The following CEP83 variants were observed in gnomAD, a reference collection of about 807,000 sequenced individuals.
The protein encoded by CEP83 is centrosomal protein of 83 kDa.
CEP83 carries 70 observed loss-of-function variants against 101.9 expected under a neutral mutation model. The ratio of observed to expected loss-of-function variants is 0.69; its 90% CI spans 0.57 to 0.84. The LOEUF (loss-of-function observed/expected upper bound fraction) is 0.84. CEP83 is among the 40% of genes least tolerant of loss of function. The probability of loss-of-function intolerance (pLI) is 0.00; values close to 1 mark genes in which losing one functional copy is unlikely to be tolerated. For missense variants in CEP83, 715 were observed against 787.2 expected (o/e 0.91, Z 1.10); for synonymous variants, 264 against 267.9 (o/e 0.99, Z 0.14).
At chr12:94,331,530 C>A (rs865821224) in intron 14 of CEP83, among the ~76,000 whole-genome samples, 170 bp downstream of exon 14, 5 of 151,616 alleles carry the variant, frequency 3.3e-5, no homozygotes, top group Non-Finnish European at 7.4e-5. Context: ...CTATGCCTGG[C>A]TAATTTTTTT....
At chr12:94,327,233 T>A (rs1306270622) in intron 14 of CEP83, among the ~76,000 whole-genome samples, 1 of 152,182 alleles carries the variant, frequency 6.6e-6, no homozygotes. Context: ...AATATAGATA[T>A]AAGAATTAAG....
Position 94,395,398 on chromosome 12 carries a change from A to T in CEP83, c.549+5452T>A, listed in dbSNP as rs957016945. Among the ~76,000 whole-genome samples, 13 of 152,150 alleles carry T rather than the reference A, an allele frequency of 8.5e-5. No individual in the cohort carries two copies. The South Asian group carries it at 2.5e-3, about 29-fold the overall frequency. On this transcript the variant is annotated intron_variant, in intron 6 of 16. Transcript: ENST00000397809. ...AAAAAAAATAATCACTATTATGATG[A>T]GTTTCCTCTTTTTCCCTTTTATGTA...
intron 2 of CEP83, among the ~76,000 whole-genome samples, chr12:94,421,674 A>C (rs1269815042): frequency 6.6e-6 from 1 of 152,226 alleles, no homozygotes; most frequent in African/African-American, 2.4e-5. Context: ...TTGTTAAGTA[A>C]TTTCATTGTT....
rs115988985 is a variant in CEP83 at position 94,400,962 on chromosome 12, G to A, written c.437C>T (p.Ala146Val). The change falls in exon 6 of 17, where the codon GCT (alanine) becomes GTT (valine). Residue 146 changes from alanine to valine, a missense_variant. By Grantham distance (64) the Ala-to-Val change is moderately conservative (BLOSUM62 0). Coordinates refer to ENST00000397809, the MANE Select transcript of CEP83 (RefSeq NM_016122.3). ...TTCATAGCGAAGCTTATTATATACAGCTCTATACTTTTCTACCTCCTAAAG... is the reference window on the plus strand; with the variant it reads ...TTCATAGCGAAGCTTATTATATACAACTCTATACTTTTCTACCTCCTAAAG... ...NLDEEVEKYR[A>V]VYNKLRYEHT... The A allele has an allele frequency of 1.8e-3, 2,497 of 1,425,758 alleles. 45 individuals are homozygous for A. In the African/African-American group the frequency reaches 0.034, roughly 19 times the overall value. The allele number at this position is 1,425,758 out of a possible 1,614,324, so 88.3% of individuals were successfully genotyped here.
At chr12:94,352,146 C>T (rs1411371853) in intron 11 of CEP83, among the ~76,000 whole-genome samples, 1 of 152,148 alleles carries the variant, frequency 6.6e-6, no homozygotes, top group Non-Finnish European at 1.5e-5. Flanking sequence ...AAAAGTTGGG[C>T]GTGGTGGTTC....
downstream of CEP83, among the ~76,000 whole-genome samples, chr12:94,302,888 TTGAA>T (rs897220583): frequency 2.0e-5 from 3 of 152,202 alleles, no homozygotes; most frequent in African/African-American, 7.2e-5. Flanking sequence ...ATAATGTTTA[TTGAA>T]TGAATGAATG....
At chr12:94,300,795 A>AGAG in the CEP83 span, 1 of 830,924 alleles carries the variant, frequency 1.2e-6, no homozygotes, top group Non-Finnish European at 1.8e-6. Context: ...TTGGCTAAGC[A>AGAG]GAGTTGTATA....
chr12:94,294,805 A>G, the CEP83 span, among the ~76,000 whole-genome samples: 1 of 152,222 alleles, frequency 6.6e-6, no homozygotes, highest in East Asian at 1.9e-4. Context: ...AACTCAGGGC[A>G]GAATCTCATA....
intron 4 of CEP83, among the ~76,000 whole-genome samples, chr12:94,410,059 A>G (rs2063784186): frequency 6.6e-6 from 1 of 152,056 alleles, no homozygotes; most frequent in Non-Finnish European, 1.5e-5. Flanking sequence ...ATGATTACCA[A>G]CTCTAAGATG....
At chr12:94,281,599 T>A in the CEP83 span, among the ~76,000 whole-genome samples, 4 of 87,190 alleles carry the variant, frequency 4.6e-5, no homozygotes, top group Admixed American at 1.2e-4. Flanking sequence ...TTAAAAAAAA[T>A]TTTATAGAGA....
At chr12:94,391,225 G>C (rs949375223) in intron 6 of CEP83, among the ~76,000 whole-genome samples, 4 of 152,186 alleles carry the variant, frequency 2.6e-5, no homozygotes, top group African/African-American at 9.7e-5. Flanking sequence ...GGCAGGCAGA[G>C]AGAAAGGTTG....
At chr12:94,343,718 C>A (rs1210509293) in intron 11 of CEP83, among the ~76,000 whole-genome samples, 4 of 151,114 alleles carry the variant, frequency 2.6e-5, no homozygotes. Flanking sequence ...TGGTCTCGAT[C>A]TCCTGACCTC....
chr12:94,362,547 G>C (rs547977623), intron 11 of CEP83, among the ~76,000 whole-genome samples: 10 of 152,242 alleles, frequency 6.6e-5, no homozygotes, highest in African/African-American at 2.4e-4. Context: ...TGAGGCAAGA[G>C]AATCACTTGA....
Position 94,408,294 on chromosome 12 carries a change from T to C in CEP83, c.324+3403A>G, listed in dbSNP as rs1391562647. Reference sequence around the variant, plus strand: ...TAGGCCAATCTTTTACAAAGAATACTTTAAGGCGGCAAATACTGCTATGCC... The same window carrying C: ...TAGGCCAATCTTTTACAAAGAATACCTTAAGGCGGCAAATACTGCTATGCC... On this transcript the variant is annotated intron_variant, in intron 4 of 16. Transcript: ENST00000397809. Among the ~76,000 whole-genome samples the C allele has an allele frequency of 2.0e-5, 3 of 152,322 alleles. No individual in the cohort carries two copies. In the East Asian group the frequency reaches 5.8e-4, roughly 29 times the overall value.
chr12:94,323,424 G>A (rs2058834641), intron 14 of CEP83, among the ~76,000 whole-genome samples: 1 of 151,970 alleles, frequency 6.6e-6, no homozygotes, highest in Non-Finnish European at 1.5e-5. Flanking sequence ...GGGTCGCTGG[G>A]GTCACTCACT....
At chr12:94,414,331 C>T (rs756292113) in intron 2 of CEP83, among the ~76,000 whole-genome samples, 1 of 152,172 alleles carries the variant, frequency 6.6e-6, no homozygotes, top group Middle Eastern at 3.2e-3. Context: ...CCAAAGAAAT[C>T]TTTCATGAAA....
chr12:94,376,066 C>A, intron 7 of CEP83, 49 bp from the exon 8 acceptor site: 1 of 1,210,676 alleles, frequency 8.3e-7, no homozygotes, highest in South Asian at 1.9e-5. Flanking sequence ...TCAAGTATTT[C>A]AAAATCAAAT....
intron 2 of CEP83, among the ~76,000 whole-genome samples, chr12:94,430,952 G>A (rs904249970): frequency 6.6e-6 from 1 of 152,194 alleles, no homozygotes; most frequent in Admixed American, 6.5e-5. Context: ...AAAGGGAGCA[G>A]GAGTAGGAGT....
At chr12:94,335,553 GAA>G in intron 12 of CEP83, 34 bp downstream of exon 12, 1 of 1,384,086 alleles carries the variant, frequency 7.2e-7, no homozygotes, top group Non-Finnish European at 1.0e-6. Context: ...AGAAGCACTT[GAA>G]AAAATAAAAG....
Sources: gnomAD v4.1 joint callset for allele counts (sites outside exome capture counted in the v4.1 genomes callset) on GRCh38, gnomAD v4.1.1 for gene constraint, MANE v1.5 for transcripts, NCBI Gene and HGNC (gene_info 2026-07-23, HGNC 2026-07-21) for gene names.